PTGER3: variants seen among roughly 807,000 people sequenced by gnomAD.
PTGER3 encodes prostaglandin E2 receptor EP3 subtype.
Under a neutral mutation model 34.7 loss-of-function variants are expected in PTGER3, and 22 were observed. That is an observed-to-expected ratio of 0.63 (90% confidence interval 0.45 to 0.91). PTGER3 has a LOEUF of 0.91. Ranked by LOEUF, PTGER3 falls within the 40% of genes least tolerant of loss-of-function variation. PTGER3 has a pLI of 0.00. For missense variants in PTGER3, 468 were observed against 519.4 expected (o/e 0.90, Z 0.96); for synonymous variants, 241 against 230.1 (o/e 1.05, Z -0.43).
intron 4 of PTGER3, among the ~76,000 whole-genome samples, chr1:70,923,654 A>C (rs571325428): frequency 4.8e-4 from 73 of 152,316 alleles, no homozygotes; most frequent in Admixed American, 2.0e-3. Flanking sequence ...TTTTTCTTAA[A>C]ACATTACTGA....
At chr1:70,871,336 C>T (rs1185576651) in intron 4 of PTGER3, among the ~76,000 whole-genome samples, 1 of 152,168 alleles carries the variant, frequency 6.6e-6, no homozygotes, top group East Asian at 1.9e-4. Context: ...AGGACACCAC[C>T]AAGCCATGAT....
chr1:71,009,233 A>G (rs1265387341), intron 2 of PTGER3: 7 of 985,134 alleles, frequency 7.1e-6, no homozygotes, highest in Non-Finnish European at 8.4e-6. Context: ...ACTCAATGCC[A>G]ATGTGCTCAC....
intron 4 of PTGER3, among the ~76,000 whole-genome samples, chr1:70,907,135 A>C (rs1387606067): frequency 6.6e-6 from 1 of 152,240 alleles, no homozygotes; most frequent in Non-Finnish European, 1.5e-5. Flanking sequence ...GAAAAGTTCA[A>C]ATATTGGTAA....
At chr1:70,898,732 G>C (rs1300970674) in intron 4 of PTGER3, among the ~76,000 whole-genome samples, 1 of 152,042 alleles carries the variant, frequency 6.6e-6, no homozygotes, top group Non-Finnish European at 1.5e-5. Flanking sequence ...ATATTCTGGA[G>C]TTTTTTGAGG....
intron 4 of PTGER3, among the ~76,000 whole-genome samples, chr1:70,865,293 G>C (rs1157322315): frequency 6.6e-6 from 1 of 152,120 alleles, no homozygotes; most frequent in Admixed American, 6.6e-5. Context: ...AGTGGGATAT[G>C]ATCCAAAATC....
intron 1 of PTGER3, among the ~76,000 whole-genome samples, chr1:71,015,749 C>T (rs540937945): frequency 1.3e-5 from 2 of 152,106 alleles, no homozygotes; most frequent in Admixed American, 6.6e-5. Flanking sequence ...GCAGGTTAAG[C>T]AGACAGACAA....
chr1:71,042,973 C>T (rs1660446696), intron 1 of PTGER3, among the ~76,000 whole-genome samples: 1 of 152,168 alleles, frequency 6.6e-6, no homozygotes, highest in African/African-American at 2.4e-5. Flanking sequence ...ATGTTCATAG[C>T]TGGCTTTGTA....
At chr1:70,889,868 CT>C (rs200848374) in intron 4 of PTGER3, among the ~76,000 whole-genome samples, 463 of 143,578 alleles carry the variant, frequency 3.2e-3, no homozygotes, top group Non-Finnish European at 3.0e-3. Flanking sequence ...GGACAGTTTA[CT>C]TTTTTTTTTT....
rs1049576589 is a variant in PTGER3, at chr1:71,011,869, T to C, written c.1077+436A>G. The C allele has an allele frequency of 1.5e-5, 16 of 1,039,034 alleles. No individual in the cohort carries two copies. In the African/African-American group the frequency reaches 2.6e-4, roughly 17 times the overall value. 64.4% of individuals were successfully genotyped at this position (1,039,034 alleles called of 1,614,324 possible). ...CCCTTGTCTTCAATGATGTATGTGGTTAAATTCCTCATGTATTCAGTGTAC... is the reference window on the plus strand; with the variant it reads ...CCCTTGTCTTCAATGATGTATGTGGCTAAATTCCTCATGTATTCAGTGTAC... On this transcript the variant is annotated intron_variant, in intron 2 of 3. Transcript: ENST00000306666.
At chr1:70,863,803 G>C (rs1449470625) in intron 4 of PTGER3, among the ~76,000 whole-genome samples, 4 of 152,142 alleles carry the variant, frequency 2.6e-5, no homozygotes, top group Admixed American at 2.6e-4. Flanking sequence ...AGAATGTGTG[G>C]AGAATATCAA....
At chr1:70,924,867 TG>T (rs768896573) in intron 4 of PTGER3, among the ~76,000 whole-genome samples, 5 of 152,174 alleles carry the variant, frequency 3.3e-5, no homozygotes, top group Non-Finnish European at 7.4e-5. Context: ...AACCCTCTCT[TG>T]GGGTCTGAAT....
chr1:71,008,775 A>AAAATTTGTC, intron 2 of PTGER3: 1 of 960,026 alleles, frequency 1.0e-6, no homozygotes, highest in African/African-American at 1.8e-5. Context: ...AGCAGCTGTG[A>AAAATTTGTC]AAATTTGTCA....
At chr1:70,988,389 A>C (rs1655120034) in intron 2 of PTGER3, among the ~76,000 whole-genome samples, 1 of 152,162 alleles carries the variant, frequency 6.6e-6, no homozygotes, top group South Asian at 2.1e-4. Context: ...TATGAGGTGG[A>C]TACCGACTAA....
At chr1:70,857,971 G>C (rs1189169910) in intron 4 of PTGER3, among the ~76,000 whole-genome samples, 4 of 152,014 alleles carry the variant, frequency 2.6e-5, no homozygotes, top group Non-Finnish European at 5.9e-5. Flanking sequence ...TATTCTCTTC[G>C]TTGCTTTATT....
chr1:70,861,032 A>T, intron 4 of PTGER3, among the ~76,000 whole-genome samples: 1 of 152,206 alleles, frequency 6.6e-6, no homozygotes, highest in South Asian at 2.1e-4. Flanking sequence ...GGAAGTTATT[A>T]ATTCAGCCTA....
chr1:70,906,738 T>C (rs1646956256), intron 4 of PTGER3, among the ~76,000 whole-genome samples: 1 of 152,280 alleles, frequency 6.6e-6, no homozygotes, highest in South Asian at 2.1e-4. Flanking sequence ...TCTGTTCATA[T>C]CTAGAAGCCA....
intron 4 of PTGER3, among the ~76,000 whole-genome samples, chr1:70,934,932 C>T (rs555384030): frequency 1.4e-4 from 22 of 152,188 alleles, no homozygotes; most frequent in African/African-American, 5.3e-4. Context: ...CTTGTTTAAC[C>T]TAGCAGTTCT....
intron 2 of PTGER3, among the ~76,000 whole-genome samples, chr1:70,993,958 G>T (rs184850776): frequency 6.6e-6 from 1 of 152,166 alleles, no homozygotes; most frequent in Admixed American, 6.5e-5. Flanking sequence ...TTCTTGGAAG[G>T]AAAGTGTTTT....
In PTGER3 at chr1:70,910,112, G is replaced by A. The variant is rs183672192; in HGVS notation, c.*23+43651C>T. On this transcript the variant is annotated intron_variant, in intron 4 of 4. Transcript: ENST00000370931. ...TGCTGACAAATAGCAACTGCAACATGATCACAACCTTAATGATATCATAAG... is the reference window on the plus strand; with the variant it reads ...TGCTGACAAATAGCAACTGCAACATAATCACAACCTTAATGATATCATAAG... Among the ~76,000 whole-genome samples the A allele has an allele frequency of 4.4e-4, 67 of 152,320 alleles. No homozygotes were observed. In the East Asian group the frequency reaches 0.011, roughly 25 times the overall value.
Sources: gnomAD v4.1 joint callset for allele counts (sites outside exome capture counted in the v4.1 genomes callset) on GRCh38, gnomAD v4.1.1 for gene constraint, MANE v1.5 for transcripts, NCBI Gene and HGNC (gene_info 2026-07-23, HGNC 2026-07-21) for gene names.